The following PCDH15 variants were observed in gnomAD, a reference collection of about 807,000 sequenced individuals.
The protein encoded by PCDH15 is protocadherin-15.
A neutral mutation model predicts 178.5 loss-of-function variants in PCDH15; 129 were observed. That is an observed-to-expected ratio of 0.72 (90% CI 0.63 to 0.84). The LOEUF is 0.84. Ranked by LOEUF, PCDH15 falls within the 40% of genes least tolerant of loss-of-function variation. PCDH15 has a pLI of 0.00. For synonymous variants in PCDH15, 800 were observed against 732.0 expected (o/e 1.09, Z -1.50); for missense variants, 2,230 against 2,099.9 (o/e 1.06, Z -1.21).
intron 2 of PCDH15, among the ~76,000 whole-genome samples, chr10:55,498,155 G>T (rs972387507): frequency 6.6e-6 from 1 of 151,804 alleles, no homozygotes; most frequent in African/African-American, 2.4e-5. Context: ...TCTTTAAGAA[G>T]GTTGAGTTAT....
intron 8 of PCDH15, among the ~76,000 whole-genome samples, chr10:54,269,149 T>A: frequency 6.6e-6 from 1 of 152,098 alleles, no homozygotes; most frequent in South Asian, 2.1e-4. Context: ...ATTCAATTAA[T>A]TCAAGTTGTT....
At chr10:54,172,418 G>T (rs539449154) in intron 13 of PCDH15, among the ~76,000 whole-genome samples, 2 of 151,666 alleles carry the variant, frequency 1.3e-5, no homozygotes, top group African/African-American at 2.4e-5. Context: ...CTCTCTTTTC[G>T]GACTCAGCCC....
intron 2 of PCDH15, among the ~76,000 whole-genome samples, chr10:55,434,931 T>C (rs938347425): frequency 2.0e-5 from 3 of 152,118 alleles, no homozygotes; most frequent in African/African-American, 7.2e-5. Context: ...ACTCAAAACT[T>C]CTAATAGTCA....
At chr10:54,705,606 GCAC>G (rs1475963469) in intron 1 of PCDH15, among the ~76,000 whole-genome samples, 1 of 152,050 alleles carries the variant, frequency 6.6e-6, no homozygotes, top group African/African-American at 2.4e-5. Context: ...AGTGACCATA[GCAC>G]CACTATTATC....
chr10:54,504,749 C>T (rs1351891264), intron 3 of PCDH15, among the ~76,000 whole-genome samples: 2 of 152,028 alleles, frequency 1.3e-5, no homozygotes, highest in African/African-American at 4.8e-5. Context: ...ACACAGGGTT[C>T]TCCTAACACA....
intron 1 of PCDH15, among the ~76,000 whole-genome samples, chr10:54,687,267 A>G (rs1250969325): frequency 6.6e-6 from 1 of 152,148 alleles, no homozygotes; most frequent in Non-Finnish European, 1.5e-5. Flanking sequence ...AAAATTTAAA[A>G]ATGGAACTAC....
intron 6 of PCDH15, among the ~76,000 whole-genome samples, chr10:54,329,917 A>C (rs746226154): frequency 1.3e-5 from 2 of 151,908 alleles, no homozygotes; most frequent in Non-Finnish European, 2.9e-5. Flanking sequence ...TGGTAATAAT[A>C]ACCAGAAAAT....
chr10:54,486,702 C>T (rs1353290094), intron 3 of PCDH15, among the ~76,000 whole-genome samples: 1 of 151,758 alleles, frequency 6.6e-6, no homozygotes, highest in Non-Finnish European at 1.5e-5. Flanking sequence ...GACTGTAAAA[C>T]CTTCCATTCT....
intron 3 of PCDH15, among the ~76,000 whole-genome samples, chr10:54,458,433 T>A (rs56689657): frequency 0.019 from 2,944 of 152,236 alleles, 83 homozygotes; most frequent in African/African-American, 0.065. Flanking sequence ...TTATCTTCTC[T>A]CCATACAATT....
In PCDH15 at chr10:53,815,232, T is replaced by C. The variant is rs555317241; in HGVS notation, c.4491+1007A>G. On this transcript the variant is annotated intron_variant, in intron 35 of 37. Transcript: ENST00000644397. ...GAAAACATAGAATTAACTTAATATT[T>C]AATTATTATAAACATTTATACTGAT... 2.0e-5 allele frequency among the ~76,000 whole-genome samples: 3 copies of C among 152,308 alleles called. No individual in the cohort carries two copies. In the South Asian group the frequency reaches 6.2e-4, roughly 32 times the overall value.
At chr10:54,826,279 TC>T (rs1489839049) in intron 3 of PCDH15, among the ~76,000 whole-genome samples, 2 of 152,058 alleles carry the variant, frequency 1.3e-5, no homozygotes, top group Non-Finnish European at 1.5e-5. Flanking sequence ...CTGGAAATTT[TC>T]AATCAGCTAT....
intron 25 of PCDH15, chr10:53,905,077 CA>C (rs2082581721): frequency 1.5e-5 from 7 of 456,242 alleles, no homozygotes; most frequent in South Asian, 8.3e-5. Context: ...GGATGGTAAC[CA>C]AATCCTACAT....
intron 6 of PCDH15, among the ~76,000 whole-genome samples, chr10:54,333,366 A>C (rs1940286961): frequency 6.6e-6 from 1 of 152,146 alleles, no homozygotes; most frequent in Admixed American, 6.6e-5. Flanking sequence ...TTAATTTATT[A>C]ATTAAGCAAT....
Position 53,811,639 on chromosome 10 carries a change from ATT to A in PCDH15, c.4492-22_4492-21del. 1 of 1,509,486 alleles carries A rather than the reference ATT, an allele frequency of 6.6e-7. No homozygotes were observed. Among genetic ancestry groups the A allele is most frequent in the Non-Finnish European group, 8.9e-7 (1 of 1,122,760 alleles). The allele number at this position is 1,509,486 out of a possible 1,614,324, so 93.5% of individuals were successfully genotyped here. ...TAATTCCTATTGTTCAAAAAGAAAA[ATT>A]GCATTTGAAAACGAATTCTTATCAC... On this transcript the variant is annotated intron_variant, in intron 35 of 37. Transcript: ENST00000644397.
chr10:55,190,156 C>A (rs1160521456), intron 1 of PCDH15, among the ~76,000 whole-genome samples: 1 of 151,676 alleles, frequency 6.6e-6, no homozygotes, highest in Non-Finnish European at 1.5e-5. Flanking sequence ...ATAATACATA[C>A]TTCATGATTT....
At chr10:54,563,946 T>C (rs1352971036) in intron 2 of PCDH15, among the ~76,000 whole-genome samples, 1 of 152,092 alleles carries the variant, frequency 6.6e-6, no homozygotes, top group Admixed American at 6.6e-5. Flanking sequence ...AAAATAATAG[T>C]GCATAAAAGC....
intron 4 of PCDH15, among the ~76,000 whole-genome samples, chr10:54,373,940 T>C (rs1948050875): frequency 6.6e-6 from 1 of 152,060 alleles, no homozygotes; most frequent in African/African-American, 2.4e-5. Flanking sequence ...GATATGGTCA[T>C]GGGACAATAA....
At chr10:54,505,845 C>T (rs1197999654) in intron 3 of PCDH15, among the ~76,000 whole-genome samples, 2 of 151,954 alleles carry the variant, frequency 1.3e-5, no homozygotes, top group Admixed American at 6.6e-5. Context: ...ATTCTTAAAG[C>T]TGTATAAAAT....
In PCDH15 at chr10:54,132,840, TACACACACACAC is replaced by T; in HGVS notation, c.1917+23_1917+34del. The T allele has an allele frequency of 6.0e-6, 9 of 1,495,996 alleles. No homozygotes were observed. The South Asian group carries it at 9.7e-5, about 16-fold the overall frequency. 92.7% of individuals were successfully genotyped at this position (1,495,996 alleles called of 1,614,324 possible). A position where few individuals can be genotyped will look rare whatever the true frequency, so the allele number is the denominator to read the frequency against. ...GCCAAGCTTGTCACTTTAGAATTTATACACACACACACACACACACACCAAGGAACATACCTG... is the reference window on the plus strand; with the variant it reads ...GCCAAGCTTGTCACTTTAGAATTTATACACACACACCAAGGAACATACCTG... On this transcript the variant is annotated intron_variant, in intron 15 of 37. Coordinates refer to ENST00000644397, the MANE Select transcript of PCDH15 (RefSeq NM_001384140.1).
Sources: gnomAD v4.1 joint callset for allele counts (sites outside exome capture counted in the v4.1 genomes callset) on GRCh38, gnomAD v4.1.1 for gene constraint, MANE v1.5 for transcripts, NCBI Gene and HGNC (gene_info 2026-07-23, HGNC 2026-07-21) for gene names.